B4GALT5: variants seen among roughly 807,000 people sequenced by gnomAD.
The protein encoded by B4GALT5 is UDP-Gal:beta-GlcNAc beta-1,4-galactosyltransferase 5.
In B4GALT5, 11 loss-of-function variants were observed where a neutral mutation model predicts 45.0. The observed-to-expected ratio is 0.24, with a 90% CI of 0.15 to 0.40. B4GALT5 has a LOEUF of 0.40. Among genes scored for constraint, B4GALT5 ranks in the 10% least tolerant of loss-of-function variants. B4GALT5 has a pLI of 1.00. For synonymous variants in B4GALT5, 185 were observed against 182.9 expected, an observed-to-expected ratio of 1.01 and a Z score of -0.09; for missense variants, 337 against 500.2, an observed-to-expected ratio of 0.67 and a Z score of 3.11.
At chr20:49,690,549 CA>C (rs1254506773) in intron 1 of B4GALT5, among the ~76,000 whole-genome samples, 1,366 of 111,824 alleles carry the variant, frequency 0.012, 18 homozygotes, top group African/African-American at 0.039. Context: ...AACTCTAACT[CA>C]AAAAAAAAAA....
chr20:49,641,573 G>C (rs540521732), intron 5 of B4GALT5, among the ~76,000 whole-genome samples: 1 of 152,160 alleles, frequency 6.6e-6, no homozygotes, highest in African/African-American at 2.4e-5. Flanking sequence ...CAGATAGACC[G>C]TTAGCATTTC....
chr20:49,678,282 A>G (rs1416376493), intron 1 of B4GALT5, among the ~76,000 whole-genome samples: 1 of 152,260 alleles, frequency 6.6e-6, no homozygotes, highest in Non-Finnish European at 1.5e-5. Context: ...TTCGCAGAGC[A>G]AGTCCAAGGC....
chr20:49,713,219 G>C (rs1051186568), intron 1 of B4GALT5, among the ~76,000 whole-genome samples: 1 of 151,874 alleles, frequency 6.6e-6, no homozygotes, highest in Non-Finnish European at 1.5e-5. Context: ...GGAAGGGAAG[G>C]GGAAGCGGGA....
chr20:49,684,302 C>T (rs1429637825), intron 1 of B4GALT5, among the ~76,000 whole-genome samples: 1 of 152,118 alleles, frequency 6.6e-6, no homozygotes, highest in Non-Finnish European at 1.5e-5. Flanking sequence ...GTGGCTCATG[C>T]CTCTAATCCC....
At chr20:49,694,639 A>C (rs996746126) in intron 1 of B4GALT5, among the ~76,000 whole-genome samples, 1 of 146,016 alleles carries the variant, frequency 6.8e-6, no homozygotes, top group Non-Finnish European at 1.5e-5. Context: ...CCTGCTGAGA[A>C]GGGAAAGGGA....
chr20:49,688,891 C>T (rs2085797902), intron 1 of B4GALT5, among the ~76,000 whole-genome samples: 1 of 146,186 alleles, frequency 6.8e-6, no homozygotes, highest in Admixed American at 7.0e-5. Context: ...GAGCCGAGAT[C>T]GTGCCATTCC....
chr20:49,686,264 A>G (rs1019011326), intron 1 of B4GALT5, among the ~76,000 whole-genome samples: 3 of 152,128 alleles, frequency 2.0e-5, no homozygotes, highest in African/African-American at 4.8e-5. Context: ...CCTACCTTAC[A>G]TTCCAAATGG....
intron 1 of B4GALT5, among the ~76,000 whole-genome samples, chr20:49,680,930 A>C (rs940828165): frequency 1.3e-5 from 2 of 152,182 alleles, no homozygotes; most frequent in South Asian, 4.1e-4. Context: ...AATTTAAAAA[A>C]ACTGTACATA....
At chr20:49,684,422 G>C (rs2085777049) in intron 1 of B4GALT5, among the ~76,000 whole-genome samples, 1 of 152,076 alleles carries the variant, frequency 6.6e-6, no homozygotes, top group African/African-American at 2.4e-5. Context: ...AATTAGCTGA[G>C]CGTGGCAGTG....
At chr20:49,670,371 C>T (rs1311660246) in intron 1 of B4GALT5, among the ~76,000 whole-genome samples, 3 of 152,176 alleles carry the variant, frequency 2.0e-5, no homozygotes, top group Admixed American at 1.3e-4. Flanking sequence ...TAGGGAGTAA[C>T]AGTGATGTGA....
At chr20:49,676,656 G>A (rs956916931) in intron 1 of B4GALT5, among the ~76,000 whole-genome samples, 1 of 152,242 alleles carries the variant, frequency 6.6e-6, no homozygotes, top group Non-Finnish European at 1.5e-5. Flanking sequence ...AGGCCCCATG[G>A]TTCTAGGACT....
rs1372118263 is a variant in B4GALT5 at position 49,636,263 on chromosome 20, G to T, written c.*49C>A. ...CCCCCTCCAAAAAAAAATCTCATCGGACTGCTTTCTTGGTGGCGGTGGGTA... is the reference window on the plus strand; with the variant it reads ...CCCCCTCCAAAAAAAAATCTCATCGTACTGCTTTCTTGGTGGCGGTGGGTA... On this transcript the variant is annotated 3_prime_UTR_variant, in exon 9 of 9. Coordinates refer to ENST00000371711, the MANE Select transcript of B4GALT5 (RefSeq NM_004776.4). 3.7e-6 allele frequency: 6 copies of T among 1,604,110 alleles called. No homozygotes were observed. The highest frequency in any genetic ancestry group is 3.4e-6 in the Non-Finnish European group (4 of 1,174,258).
chr20:49,649,886 G>A (rs1302587155), intron 2 of B4GALT5, among the ~76,000 whole-genome samples: 1 of 152,236 alleles, frequency 6.6e-6, no homozygotes, highest in South Asian at 2.1e-4. Flanking sequence ...ACATGTATTG[G>A]CACAGTCAAT....
chr20:49,663,322 T>A (rs1332817026), intron 1 of B4GALT5, among the ~76,000 whole-genome samples: 1 of 152,084 alleles, frequency 6.6e-6, no homozygotes, highest in Non-Finnish European at 1.5e-5. Context: ...CACATTTTAA[T>A]GTTATATGTC....
chr20:49,702,131 T>C (rs1318553144), intron 1 of B4GALT5, among the ~76,000 whole-genome samples: 4 of 152,190 alleles, frequency 2.6e-5, no homozygotes, highest in African/African-American at 9.7e-5. Context: ...AATCATCATG[T>C]CTTTTCATTC....
chr20:49,707,914 T>C (rs1014278907), intron 1 of B4GALT5, among the ~76,000 whole-genome samples: 4 of 121,270 alleles, frequency 3.3e-5, no homozygotes, highest in Non-Finnish European at 6.6e-5. Flanking sequence ...TTGCCCAGCC[T>C]TTTTTTTTTT....
At chr20:49,684,122 C>CAG (rs780116968) in intron 1 of B4GALT5, among the ~76,000 whole-genome samples, 4 of 150,900 alleles carry the variant, frequency 2.7e-5, no homozygotes, top group South Asian at 4.2e-4. Context: ...GCCTGGGCAA[C>CAG]AGAGCAAGAT....
intron 3 of B4GALT5, among the ~76,000 whole-genome samples, chr20:49,645,918 C>T (rs974869024): frequency 2.0e-5 from 3 of 151,590 alleles, no homozygotes; most frequent in Non-Finnish European, 4.4e-5. Flanking sequence ...TGTAGTGGCA[C>T]GATCATGGCA....
rs969232175 is a variant in B4GALT5, at chr20:49,659,888, T to C, written c.116-3186A>G. 9.3e-4 allele frequency among the ~76,000 whole-genome samples: 141 copies of C among 151,956 alleles called. 5 individuals carry two copies. The highest frequency in any genetic ancestry group is 2.0e-4 in the Admixed American group (3 of 15,260). Reference sequence around the variant, plus strand: ...ACCTCCCGGGTTCAAGTGATTCTCATACCTCAGCCTCCCAAGTAGCTGGGA... The same window carrying C: ...ACCTCCCGGGTTCAAGTGATTCTCACACCTCAGCCTCCCAAGTAGCTGGGA... On this transcript the variant is annotated intron_variant, in intron 1 of 8. Coordinates refer to ENST00000371711, the MANE Select transcript of B4GALT5 (RefSeq NM_004776.4).
Sources: allele counts gnomAD v4.1 joint callset (sites outside exome capture counted in the v4.1 genomes callset), GRCh38; gene constraint gnomAD v4.1.1; transcripts MANE v1.5; gene names NCBI Gene and HGNC (gene_info 2026-07-23, HGNC 2026-07-21).